Variants in KIF26B observed in about 807,000 individuals in gnomAD.
KIF26B encodes the protein kinesin-like protein KIF26B.
In KIF26B, 63 loss-of-function variants were observed where a neutral mutation model predicts 151.2. That is an observed-to-expected ratio of 0.42 (90% CI 0.34 to 0.51). The LOEUF is 0.51. Ranked by LOEUF, KIF26B falls within the 20% of genes least tolerant of loss-of-function variation. KIF26B has a pLI of 0.07. For synonymous variants in KIF26B, 1,357 were observed against 1,262.1 expected, an observed-to-expected ratio of 1.08 and a Z score of -1.59; for missense variants, 2,813 against 2,913.6, an observed-to-expected ratio of 0.97 and a Z score of 0.79.
At chr1:245,545,726 A>T (rs967327498) in intron 5 of KIF26B, among the ~76,000 whole-genome samples, 1 of 152,234 alleles carries the variant, frequency 6.6e-6, no homozygotes, top group Admixed American at 6.5e-5. Flanking sequence ...CTTAGTCCCC[A>T]TTCATATTTC....
chr1:245,219,902 A>G (rs1357508526), intron 2 of KIF26B, among the ~76,000 whole-genome samples: 1 of 152,168 alleles, frequency 6.6e-6, no homozygotes, highest in Non-Finnish European at 1.5e-5. Flanking sequence ...TGGGACAGCC[A>G]TATCTAGGCC....
chr1:245,203,215 C>A (rs528439698), intron 2 of KIF26B, among the ~76,000 whole-genome samples: 2 of 129,960 alleles, frequency 1.5e-5, no homozygotes, highest in African/African-American at 3.0e-5. Context: ...TCATTGCACT[C>A]CAGCCTGGGT....
At chr1:245,222,928 C>A (rs1297746454) in intron 2 of KIF26B, among the ~76,000 whole-genome samples, 4 of 152,162 alleles carry the variant, frequency 2.6e-5, no homozygotes, top group Non-Finnish European at 5.9e-5. Context: ...TCGTGAGTAC[C>A]TGTATGCCCA....
chr1:245,280,002 A>G (rs894174538), intron 2 of KIF26B, among the ~76,000 whole-genome samples: 3 of 152,030 alleles, frequency 2.0e-5, no homozygotes, highest in Admixed American at 6.5e-5. Flanking sequence ...TGGTGTGTCC[A>G]TGTGTGGCTC....
At chr1:245,278,783 T>C (rs1178105104) in intron 2 of KIF26B, among the ~76,000 whole-genome samples, 1 of 152,204 alleles carries the variant, frequency 6.6e-6, no homozygotes, top group Non-Finnish European at 1.5e-5. Context: ...CAGCCCCAGC[T>C]CTGCCACACG....
At chr1:245,273,811 C>T (rs554624301) in intron 2 of KIF26B, among the ~76,000 whole-genome samples, 1 of 152,216 alleles carries the variant, frequency 6.6e-6, no homozygotes, top group African/African-American at 2.4e-5. Context: ...TTTTTAAAAT[C>T]CATTTAGCTA....
intron 2 of KIF26B, among the ~76,000 whole-genome samples, chr1:245,340,976 C>T (rs1015476637): frequency 2.0e-5 from 3 of 152,126 alleles, no homozygotes; most frequent in African/African-American, 7.2e-5. Context: ...GGATTTGAGA[C>T]GTATTTAGGA....
At position 245,241,680 on chromosome 1, in the gene KIF26B, A is replaced by G. The variant is rs1458645458; in HGVS notation, c.465+84997A>G. On this transcript the variant is annotated intron_variant, in intron 2 of 14. Coordinates refer to ENST00000407071, the MANE Select transcript of KIF26B (RefSeq NM_018012.4). The surrounding 1 kb of genome is among the most constrained non-coding windows in gnomAD (Gnocchi z 5.0). ...CTGGAGGTCCACGGGAACAGCTGCTATGGCGGCGGACACAGCCCCGTCCAG... is the reference window on the plus strand; with the variant it reads ...CTGGAGGTCCACGGGAACAGCTGCTGTGGCGGCGGACACAGCCCCGTCCAG... Among the ~76,000 whole-genome samples the G allele has an allele frequency of 6.6e-6, 1 of 152,192 alleles. No homozygotes were observed. Among genetic ancestry groups the G allele is most frequent in the East Asian group, 1.9e-4 (1 of 5,192 alleles).
intron 5 of KIF26B, among the ~76,000 whole-genome samples, chr1:245,577,815 C>G (rs2043139501): frequency 7.0e-6 from 1 of 143,600 alleles, no homozygotes; most frequent in Non-Finnish European, 1.5e-5. Context: ...TGTGGAACTC[C>G]GGGCGATGCA....
At chr1:245,691,867 G>A (rs1039857488) in intron 12 of KIF26B, among the ~76,000 whole-genome samples, 1 of 152,160 alleles carries the variant, frequency 6.6e-6, no homozygotes, top group Admixed American at 6.5e-5. Context: ...CCATGTTGCT[G>A]AGGAGTGTGC....
chr1:245,342,913 C>T (rs902130612), intron 2 of KIF26B, among the ~76,000 whole-genome samples: 2 of 151,926 alleles, frequency 1.3e-5, no homozygotes, highest in Admixed American at 6.6e-5. Flanking sequence ...TGGTGAAACC[C>T]CGTCTCTGCT....
chr1:245,445,266 C>T (rs1336231308), intron 4 of KIF26B, among the ~76,000 whole-genome samples: 1 of 152,172 alleles, frequency 6.6e-6, no homozygotes, highest in Non-Finnish European at 1.5e-5. Context: ...CTCTCATCTT[C>T]CAGGCAACCC....
rs936582916 is a variant in KIF26B, at chr1:245,606,937, A to G, written c.1558-714A>G. 6.6e-6 allele frequency among the ~76,000 whole-genome samples: 1 copy of G among 151,930 alleles called. No individual in the cohort carries two copies. Among genetic ancestry groups the G allele is most frequent in the Non-Finnish European group, 1.5e-5 (1 of 67,978 alleles). ...AAAAATTAGCCAGGCATGGTGGCAC[A>G]TGCCTGTAATCCCAGCTACTCGGGA... On this transcript the variant is annotated intron_variant, in intron 6 of 14. Transcript: ENST00000407071. The surrounding 1 kb of genome is among the most constrained non-coding windows in gnomAD (Gnocchi z 4.6).
intron 10 of KIF26B, among the ~76,000 whole-genome samples, chr1:245,664,750 C>G (rs1287067731): frequency 6.6e-6 from 1 of 152,124 alleles, no homozygotes; most frequent in East Asian, 1.9e-4. Context: ...ACTTAATATA[C>G]TTTTGTGTAT....
At position 245,704,407 on chromosome 1, in the gene KIF26B, A is replaced by G. The variant is rs866044247; in HGVS notation, c.*1801A>G. On this transcript the variant is annotated 3_prime_UTR_variant, in exon 15 of 15. Coordinates refer to ENST00000407071, the MANE Select transcript of KIF26B (RefSeq NM_018012.4). ...ACCGAAGTCTTGTGAGCTTCACATG[A>G]CCTGATCCTTTGTTATCAGAACAGG... 6.6e-6 allele frequency: 1 copy of G among 152,146 alleles called. No homozygotes were observed. The highest frequency in any genetic ancestry group is 1.5e-5 in the Non-Finnish European group (1 of 68,026). The allele number at this position is 152,146 out of a possible 1,614,324, so 9.4% of individuals were successfully genotyped here.
At chr1:245,319,451 A>G (rs1671842265) in intron 2 of KIF26B, among the ~76,000 whole-genome samples, 2 of 152,022 alleles carry the variant, frequency 1.3e-5, no homozygotes, top group Admixed American at 1.3e-4. Context: ...TTGAAAACTT[A>G]TTGTTGAGGT....
intron 4 of KIF26B, among the ~76,000 whole-genome samples, chr1:245,507,813 A>G (rs557493269): frequency 5.3e-5 from 8 of 152,234 alleles, no homozygotes; most frequent in Admixed American, 4.6e-4. Context: ...AGATGTTTTG[A>G]CAACATCTGT....
chr1:245,637,319 T>C (rs1454933729), intron 9 of KIF26B, among the ~76,000 whole-genome samples: 4 of 152,064 alleles, frequency 2.6e-5, no homozygotes, highest in Admixed American at 2.6e-4. Context: ...CTTCTTCTGA[T>C]AAATGTCTAT....
intron 9 of KIF26B, among the ~76,000 whole-genome samples, chr1:245,639,835 T>C (rs2043870137): frequency 6.6e-6 from 1 of 151,872 alleles, no homozygotes; most frequent in African/African-American, 2.4e-5. Context: ...CTTGATATGA[T>C]TTTGACTTTT....
Sources: gnomAD v4.1 joint callset for allele counts (sites outside exome capture counted in the v4.1 genomes callset) on GRCh38, gnomAD v4.1.1 for gene constraint, Gnocchi (gnomAD v3.1) non-coding constraint, MANE v1.5 for transcripts, NCBI Gene and HGNC (gene_info 2026-07-23, HGNC 2026-07-21) for gene names.